The following WDR12 variants were observed in gnomAD, a reference collection of about 807,000 sequenced individuals.
WDR12 encodes WD repeat domain 12, also known as ribosome biogenesis protein WDR12.
In WDR12, 42 loss-of-function variants were observed where a neutral mutation model predicts 64.3. The observed-to-expected ratio is 0.65, with a 90% CI of 0.51 to 0.84. The LOEUF is 0.84. WDR12 is among the 40% of genes least tolerant of loss of function. The pLI, the probability that WDR12 is intolerant of heterozygous loss-of-function variation, is 0.00. For missense variants in WDR12, 469 were observed against 494.6 expected, an observed-to-expected ratio of 0.95 and a Z score of 0.49; for synonymous variants, 158 against 173.3, an observed-to-expected ratio of 0.91 and a Z score of 0.70.
At chr2:202,888,960 T>A (rs1246891724) in intron 8 of WDR12, among the ~76,000 whole-genome samples, 1 of 152,192 alleles carries the variant, frequency 6.6e-6, no homozygotes, top group East Asian at 1.9e-4. Context: ...TCCTCCAGTG[T>A]TGGCTTCAAA....
intron 1 of WDR12, among the ~76,000 whole-genome samples, chr2:202,909,687 T>C (rs568989635): frequency 1.8e-3 from 276 of 152,262 alleles, no homozygotes; most frequent in Non-Finnish European, 9.0e-4. Context: ...TTCACATATA[T>C]GTATATTCTT....
intron 1 of WDR12, among the ~76,000 whole-genome samples, chr2:202,909,109 T>C (rs1295615802): frequency 6.6e-6 from 1 of 152,232 alleles, no homozygotes; most frequent in Non-Finnish European, 1.5e-5. Flanking sequence ...ATGGTGCAGT[T>C]GCTTTGGAAA....
At chr2:202,896,670 G>A (rs904734922) in intron 5 of WDR12, among the ~76,000 whole-genome samples, 4 of 152,098 alleles carry the variant, frequency 2.6e-5, no homozygotes, top group Non-Finnish European at 4.4e-5. Flanking sequence ...TAGCCTGGGC[G>A]ACAGAGTGAG....
intron 2 of WDR12, among the ~76,000 whole-genome samples, chr2:202,901,695 T>C (rs1374840161): frequency 6.6e-6 from 1 of 152,214 alleles, no homozygotes; most frequent in African/African-American, 2.4e-5. Flanking sequence ...CTCCTTGCCA[T>C]GTATTTGTTG....
At chr2:202,901,614 C>T (rs1688350446) in intron 2 of WDR12, among the ~76,000 whole-genome samples, 1 of 152,200 alleles carries the variant, frequency 6.6e-6, no homozygotes, top group Non-Finnish European at 1.5e-5. Flanking sequence ...TTTCAAAAAT[C>T]AGCATCCATA....
At chr2:202,895,782 G>A (rs778030750) in intron 6 of WDR12, among the ~76,000 whole-genome samples, 22 of 150,488 alleles carry the variant, frequency 1.5e-4, no homozygotes, top group Non-Finnish European at 2.7e-4. Context: ...TGCCCGCCTC[G>A]GCCTCCCAAA....
chr2:202,880,879 G>A lies in WDR12; in HGVS notation c.1253C>T (p.Thr418Ile), dbSNP rs146151167. ...KLYSYRYSPT[T>I]SHVGA ...TCACTTTCATGCCCCAACATGGGAA[G>A]TGGTAGGTGAATATCTGTAGGAATA... Residue 418 changes from threonine to isoleucine, a missense_variant, in exon 13 of 13, where the codon ACT becomes ATT. Coordinates refer to ENST00000261015, the MANE Select transcript of WDR12 (RefSeq NM_018256.4). 1.2e-5 allele frequency: 20 copies of A among 1,610,446 alleles called. No homozygotes were observed. Among genetic ancestry groups the A allele is most frequent in the Non-Finnish European group, 1.7e-5 (20 of 1,178,298 alleles).
At chr2:202,897,073 G>A (rs535787718) in intron 5 of WDR12, among the ~76,000 whole-genome samples, 17 of 152,208 alleles carry the variant, frequency 1.1e-4, no homozygotes, top group Non-Finnish European at 1.5e-5. Flanking sequence ...ATATTAACTT[G>A]AAAATGTATA....
chr2:202,899,389 G>T, intron 4 of WDR12, 142 bp downstream of exon 4: 1 of 684,744 alleles, frequency 1.5e-6, no homozygotes, highest in Admixed American at 3.2e-5. Context: ...CTTTCTGTTT[G>T]CCATGGCCAC....
intron 5 of WDR12, among the ~76,000 whole-genome samples, chr2:202,896,678 G>C (rs554545938): frequency 9.8e-4 from 149 of 152,218 alleles, no homozygotes; most frequent in African/African-American, 2.9e-3. Context: ...GCGACAGAGT[G>C]AGACTCTGCC....
chr2:202,895,822 G>A lies in WDR12; in HGVS notation c.609+243C>T, dbSNP rs1011936347. On this transcript the variant is annotated intron_variant, in intron 6 of 12. Coordinates refer to ENST00000261015, the MANE Select transcript of WDR12 (RefSeq NM_018256.4). The stretch of plus-strand genomic sequence containing the variant: ...TGGGATTACAGGCGTGAGCCACCGC[G>A]CCCGGCCCATACCTCATTTCTTAAA... 2.6e-5 allele frequency among the ~76,000 whole-genome samples: 4 copies of A among 151,496 alleles called. 1 individual carries two copies. Among genetic ancestry groups the A allele is most frequent in the East Asian group, 3.9e-4 (2 of 5,172 alleles).
intron 2 of WDR12, 100 bp downstream of exon 2, chr2:202,907,765 A>T: frequency 1.1e-6 from 1 of 893,220 alleles, no homozygotes; most frequent in Non-Finnish European, 1.8e-6. Context: ...TACCACTACA[A>T]AATTCATACA....
At chr2:202,883,790 G>A in intron 10 of WDR12, 49 bp from the exon 11 acceptor site, 1 of 1,569,322 alleles carries the variant, frequency 6.4e-7, no homozygotes, top group African/African-American at 1.4e-5. Context: ...AAGGGAAGTA[G>A]GTAGAAGGAA....
At chr2:202,891,676 TAAG>T (rs1425063149) in intron 8 of WDR12, among the ~76,000 whole-genome samples, 2 of 152,230 alleles carry the variant, frequency 1.3e-5, no homozygotes, top group African/African-American at 2.4e-5. Flanking sequence ...TTGGTGACTA[TAAG>T]AATTAATGTG....
chr2:202,893,889 T>A (rs1054513408), intron 7 of WDR12, among the ~76,000 whole-genome samples: 4 of 152,134 alleles, frequency 2.6e-5, no homozygotes, highest in African/African-American at 9.7e-5. Context: ...CATTGAAAAA[T>A]TTTTTTAAGT....
rs952015305 is a variant in WDR12, at chr2:202,879,470, G to T, written c.*1390C>A. On this transcript the variant is annotated 3_prime_UTR_variant, in exon 13 of 13. Transcript: ENST00000261015. Reference sequence around the variant, plus strand: ...GAGTCTGGCTCTGCTGCCCAGGCTGGAGCACAGTGGTATGATCTCAGCTCA... The same window carrying T: ...GAGTCTGGCTCTGCTGCCCAGGCTGTAGCACAGTGGTATGATCTCAGCTCA... 1.3e-4 allele frequency: 20 copies of T among 151,886 alleles called. No individual in the cohort carries two copies. Among genetic ancestry groups the T allele is most frequent in the Admixed American group, 1.3e-3 (20 of 15,244 alleles). 9.4% of individuals were successfully genotyped at this position (151,886 alleles called of 1,614,324 possible).
chr2:202,894,993 C>A (rs1475235958), intron 6 of WDR12, among the ~76,000 whole-genome samples: 1 of 152,144 alleles, frequency 6.6e-6, no homozygotes. Context: ...TTGGATCTCA[C>A]AATCCATTTA....
chr2:202,894,655 C>T (rs1352759180), intron 6 of WDR12, 29 bp from the exon 7 acceptor site: 2 of 1,574,022 alleles, frequency 1.3e-6, no homozygotes, highest in East Asian at 2.3e-5. Flanking sequence ...AGGGAAAAGA[C>T]ATATGTAATA....
Position 202,903,499 on chromosome 2 carries a change from G to C in WDR12, c.137-2380C>G, listed in dbSNP as rs557329437. Among the ~76,000 whole-genome samples the C allele has an allele frequency of 6.2e-3, 699 of 113,386 alleles. 5 individuals are homozygous for C. The highest frequency in any genetic ancestry group is 0.019 in the African/African-American group (647 of 33,830). 74.4% of individuals were successfully genotyped at this position (113,386 alleles called of 152,430 possible). A position where few individuals can be genotyped will look rare whatever the true frequency, so the allele number is the denominator to read the frequency against. On this transcript the variant is annotated intron_variant, in intron 2 of 12. Coordinates refer to ENST00000261015, the MANE Select transcript of WDR12 (RefSeq NM_018256.4). The stretch of plus-strand genomic sequence containing the variant: ...AGGAAGGAAGGAAGGAAGGAAGGAA[G>C]GAAGTGAGGGAGGGAGGGAGGGAGG...
Sources: gnomAD v4.1 joint callset for allele counts (sites outside exome capture counted in the v4.1 genomes callset) on GRCh38, gnomAD v4.1.1 for gene constraint, MANE v1.5 for transcripts, NCBI Gene and HGNC (gene_info 2026-07-23, HGNC 2026-07-21) for gene names.